Variants in ABCA9 observed in about 807,000 individuals in gnomAD.
ABCA9 encodes ATP-binding cassette sub-family A member 9.
In ABCA9, 183 loss-of-function variants were observed where a neutral mutation model predicts 205.3. The ratio of observed to expected loss-of-function variants is 0.89; its 90% CI spans 0.79 to 1.01. ABCA9 has a LOEUF of 1.01. ABCA9 is among the 50% of genes least tolerant of loss of function. ABCA9 has a pLI of 0.00. For synonymous variants in ABCA9, 651 were observed against 683.3 expected, an observed-to-expected ratio of 0.95 and a Z score of 0.74; for missense variants, 1,805 against 1,912.4, an observed-to-expected ratio of 0.94 and a Z score of 1.05.
chr17:69,003,911 G>A (rs1000749017), intron 25 of ABCA9, among the ~76,000 whole-genome samples: 19 of 151,900 alleles, frequency 1.3e-4, no homozygotes, highest in African/African-American at 4.6e-4. Context: ...TGATCACGTG[G>A]GCTCCTGAGG....
the ABCA9 span, among the ~76,000 whole-genome samples, chr17:69,073,252 A>C: frequency 6.6e-6 from 1 of 152,202 alleles, no homozygotes; most frequent in African/African-American, 2.4e-5. Flanking sequence ...AAGCAGATCT[A>C]ATAGACATCT....
chr17:68,980,694 C>T (rs2069022724), intron 37 of ABCA9, among the ~76,000 whole-genome samples: 1 of 142,214 alleles, frequency 7.0e-6, no homozygotes, highest in Non-Finnish European at 1.5e-5. Flanking sequence ...TGTTCTCACT[C>T]ATAGGTGAGA....
At chr17:69,069,992 T>G in the ABCA9 span, among the ~76,000 whole-genome samples, 1 of 152,210 alleles carries the variant, frequency 6.6e-6, no homozygotes, top group Non-Finnish European at 1.5e-5. Flanking sequence ...TATATTGTCA[T>G]GTTATTCATT....
chr17:69,036,768 A>G (rs1169865364), intron 6 of ABCA9, among the ~76,000 whole-genome samples: 1 of 150,876 alleles, frequency 6.6e-6, no homozygotes, highest in African/African-American at 2.4e-5. Flanking sequence ...TAAAGAGTCA[A>G]GACCCATTTG....
chr17:69,055,767 T>C (rs1474949602), intron 1 of ABCA9, among the ~76,000 whole-genome samples: 2 of 152,032 alleles, frequency 1.3e-5, no homozygotes, highest in African/African-American at 2.4e-5. Context: ...TTTTGAGCCA[T>C]AAAACACACC....
chr17:69,022,299 T>G (rs2070838855), intron 17 of ABCA9: 3 of 152,000 alleles, frequency 2.0e-5, no homozygotes, highest in South Asian at 4.2e-4. Context: ...GTATAGACTC[T>G]TTGATAGTTT....
At chr17:69,005,237 A>G (rs2070084367) in intron 25 of ABCA9, among the ~76,000 whole-genome samples, 1 of 152,200 alleles carries the variant, frequency 6.6e-6, no homozygotes, top group Admixed American at 6.5e-5. Context: ...AGATGCATAC[A>G]GCGTCCTCAG....
intron 3 of ABCA9, 141 bp downstream of exon 3, chr17:69,049,142 G>C (rs2071816515): frequency 1.1e-6 from 1 of 938,888 alleles, no homozygotes; most frequent in Non-Finnish European, 1.5e-6. Context: ...AAAAAATTTT[G>C]AGACTTGGAA....
intron 25 of ABCA9, among the ~76,000 whole-genome samples, chr17:69,001,329 G>T (rs1478038067): frequency 1.3e-5 from 2 of 152,134 alleles, no homozygotes; most frequent in African/African-American, 2.4e-5. Context: ...AGCATGCAAG[G>T]TTGTTGAATT....
At chr17:69,041,729 T>TTATCTATC (rs4020779) in intron 6 of ABCA9, among the ~76,000 whole-genome samples, 36,116 of 149,190 alleles carry the variant, frequency 0.24, 4,793 homozygotes, top group Admixed American at 0.33. Context: ...AAGAAAGAAA[T>TTATCTATC]TATCTATCTA....
chr17:69,051,158 A>G lies in ABCA9; in HGVS notation c.-13-19T>C. 2 of 1,609,130 alleles carry G rather than the reference A, an allele frequency of 1.2e-6. No individual in the cohort carries two copies. Among genetic ancestry groups the G allele is most frequent in the Non-Finnish European group, 1.7e-6 (2 of 1,177,016 alleles). On this transcript the variant is annotated intron_variant, in intron 1 of 38. Transcript: ENST00000340001. ...CTGTTTCCTTTAAAAAGACAGAAAA[A>G]AAATGAAGTACATGTGAAGGTCTAA...
intron 22 of ABCA9, among the ~76,000 whole-genome samples, chr17:69,012,968 A>T (rs1037509811): frequency 4.6e-5 from 7 of 151,772 alleles, no homozygotes; most frequent in Admixed American, 4.6e-4. Context: ...AGAACATGCA[A>T]TGTGTGTCTT....
rs2071066424 is a variant in ABCA9, at chr17:69,028,586, C to T, written c.1564G>A (p.Gly522Arg). 1.2e-6 allele frequency: 2 copies of T among 1,610,168 alleles called. No homozygotes were observed. The highest frequency in any genetic ancestry group is 1.3e-5 in the African/African-American group (1 of 74,748). ...AGTATGTTTAACAGGGTAGTTTTTC[C>T]AGCTCCACTGTGACCAAGGAGGGCA... ...ITALLGHSGAGKTTLLNILSG... is the reference protein window; with the variant it reads ...ITALLGHSGARKTTLLNILSG... Residue 522 changes from glycine to arginine, a missense_variant, in exon 12 of 39, where the codon GGA becomes AGA. Coordinates refer to ENST00000340001, the MANE Select transcript of ABCA9 (RefSeq NM_080283.4).
chr17:69,018,011 T>G, intron 20 of ABCA9: 1 of 486,590 alleles, frequency 2.1e-6, no homozygotes. Context: ...ATAATTTCTA[T>G]TAGTATAGAA....
Position 69,037,601 on chromosome 17 carries a change from C to T in ABCA9, c.801-1800G>A, listed in dbSNP as rs143023457. On this transcript the variant is annotated intron_variant, in intron 6 of 38. Transcript: ENST00000340001. The stretch of plus-strand genomic sequence containing the variant: ...GAAAATTAATAGCACTAAATGCCCA[C>T]AGGAGAAAACGGGAAAGGTCTAAAA... Among the ~76,000 whole-genome samples, 1,425 of 152,236 alleles carry T rather than the reference C, an allele frequency of 9.4e-3. 21 individuals carry two copies. The highest frequency in any genetic ancestry group is 0.032 in the African/African-American group (1,342 of 41,526).
chr17:69,027,398 CA>C lies in ABCA9; in HGVS notation c.1842del (p.Ala615LeufsTer4), dbSNP rs1233167001. ...TTTTGTCCACCACTTAAGTTTTGAG[CA>C]AGGATGTCTTGAATATTTTCCATTT... is the stretch of plus-strand genomic sequence containing the variant. ...ELEMENIQDI[L>X]AQNLSGGQNR... On this transcript the variant is annotated frameshift_variant, in exon 14 of 39. Transcript: ENST00000340001. LOFTEE classifies it high-confidence loss of function. 1.9e-6 allele frequency: 3 copies of C among 1,613,016 alleles called. No homozygotes were observed. Among genetic ancestry groups the C allele is most frequent in the Non-Finnish European group, 2.5e-6 (3 of 1,179,426 alleles).
chr17:69,016,143 C>T, intron 22 of ABCA9, 110 bp downstream of exon 22: 1 of 603,814 alleles, frequency 1.7e-6, no homozygotes, highest in Non-Finnish European at 2.6e-6. Context: ...CACACACACA[C>T]AAGTTTAAGA....
intron 25 of ABCA9, among the ~76,000 whole-genome samples, chr17:68,998,832 C>CT (rs139808117): frequency 0.024 from 3,515 of 145,492 alleles, 116 homozygotes; most frequent in African/African-American, 0.073. Flanking sequence ...TCTAAAATTT[C>CT]TTTTTTTTTT....
In ABCA9 at chr17:69,032,185, A is replaced by T. The variant is rs1567959063; in HGVS notation, c.1368T>A (p.Asn456Lys). 2 of 1,614,046 alleles carry T rather than the reference A, an allele frequency of 1.2e-6. No individual in the cohort carries two copies. The highest frequency in any genetic ancestry group is 8.5e-7 in the Non-Finnish European group (1 of 1,179,954). ...TAGGTGTAGGATCAGAATCTGTTTC[A>T]TTCTCAAGGACCACATGATTAGCCC... ...HGRANHVVLE[N>K]ETDSDPTPND... is the part of the protein sequence containing the mutation. The change falls in exon 10 of 39, where the codon AAT becomes AAA. Residue 456 changes from asparagine to lysine, a missense_variant. Asn to Lys is a moderately conservative substitution (Grantham distance 94). Coordinates refer to ENST00000340001, the MANE Select transcript of ABCA9 (RefSeq NM_080283.4).
Sources: gnomAD v4.1 joint callset for allele counts (sites outside exome capture counted in the v4.1 genomes callset) on GRCh38, gnomAD v4.1.1 for gene constraint, MANE v1.5 for transcripts, NCBI Gene and HGNC (gene_info 2026-07-23, HGNC 2026-07-21) for gene names.